The following MTM1 variants were observed in gnomAD, a reference collection of about 807,000 sequenced individuals.
MTM1 encodes the protein myotubularin 1, also known as myotubularin.
In MTM1, 9 loss-of-function variants were observed where a neutral mutation model predicts 52.1. The ratio of observed to expected loss-of-function variants is 0.17; its 90% CI spans 0.10 to 0.30. The LOEUF is 0.30. MTM1 is among the 10% of genes least tolerant of loss of function. MTM1 has a pLI of 1.00. For synonymous variants in MTM1, 136 were observed against 163.8 expected (o/e 0.83, Z 1.29); for missense variants, 277 against 470.7 (o/e 0.59, Z 3.81).
intron 6 of MTM1, among the ~76,000 whole-genome samples, chrX:150,634,111 G>A (rs891508998): frequency 8.9e-6 from 1 of 112,536 alleles, no homozygotes; most frequent in Admixed American, 9.4e-5. Flanking sequence ...AGGTCATTAA[G>A]AGTCATCTTC....
intron 4 of MTM1, among the ~76,000 whole-genome samples, chrX:150,601,067 A>G (rs782630968): frequency 5.6e-4 from 63 of 112,220 alleles, no homozygotes; most frequent in African/African-American, 1.9e-3. Flanking sequence ...TCACTTGTCA[A>G]TATTTTTCAA....
intron 9 of MTM1, among the ~76,000 whole-genome samples, chrX:150,648,301 T>C: frequency 9.0e-6 from 1 of 111,680 alleles, no homozygotes. Flanking sequence ...GCAGGAAACC[T>C]TTTTCTGTGA....
At chrX:150,593,018 A>G (rs1207235959) in intron 2 of MTM1, among the ~76,000 whole-genome samples, 4 of 110,971 alleles carry the variant, frequency 3.6e-5, no homozygotes, top group African/African-American at 1.3e-4. Context: ...TAATTTTTGT[A>G]TTTTTAGTAG....
chrX:150,642,036 T>G (rs1331094587), intron 8 of MTM1, among the ~76,000 whole-genome samples: 1 of 111,282 alleles, frequency 9.0e-6, no homozygotes, highest in African/African-American at 3.3e-5. Context: ...GACTAAAAAT[T>G]TAGGTATTCT....
At chrX:150,660,346 G>A (rs1557414633) in intron 12 of MTM1, 25 bp from the exon 13 acceptor site, 2 of 964,358 alleles carry the variant, frequency 2.1e-6, no homozygotes, top group East Asian at 6.1e-5. Flanking sequence ...AGTTTTTCAT[G>A]CTTTGTTTGC....
intron 1 of MTM1, among the ~76,000 whole-genome samples, chrX:150,584,661 T>C (rs1557412172): frequency 2.7e-5 from 3 of 111,177 alleles, no homozygotes; most frequent in African/African-American, 9.8e-5. Flanking sequence ...TATCAAGGCA[T>C]AAGTACAGGG....
At chrX:150,617,364 T>C (rs1557413162) in intron 5 of MTM1, among the ~76,000 whole-genome samples, 1 of 112,068 alleles carries the variant, frequency 8.9e-6, no homozygotes, top group Non-Finnish European at 1.9e-5. Flanking sequence ...ATTGCACTTG[T>C]GGCTGGTCGT....
chrX:150,587,467 A>T (rs2038809773), intron 1 of MTM1, among the ~76,000 whole-genome samples: 1 of 111,932 alleles, frequency 8.9e-6, no homozygotes, highest in Admixed American at 9.5e-5. Flanking sequence ...GTTCAAAGGA[A>T]AATGTATAAA....
chrX:150,639,093 TC>T, intron 7 of MTM1, 67 bp downstream of exon 7: 3 of 872,443 alleles, frequency 3.4e-6, no homozygotes, highest in Non-Finnish European at 5.1e-6. Flanking sequence ...CAGTATGTCA[TC>T]AGCCATGCTT....
At chrX:150,568,407 G>A (rs1201743919), upstream of MTM1, among the ~76,000 whole-genome samples, 1 of 113,354 alleles carries the variant, frequency 8.8e-6, no homozygotes, top group African/African-American at 3.2e-5. Context: ...CCATGCGTCG[G>A]ACCCTTCAAA....
intron 6 of MTM1, among the ~76,000 whole-genome samples, chrX:150,627,542 C>A (rs2039591161): frequency 1.8e-5 from 2 of 111,527 alleles, no homozygotes; most frequent in Non-Finnish European, 3.8e-5. Context: ...TATTTATAAT[C>A]TCTTCTTCTG....
chrX:150,569,948 C>T (rs2038337792), intron 1 of MTM1, among the ~76,000 whole-genome samples: 1 of 111,823 alleles, frequency 8.9e-6, no homozygotes, highest in African/African-American at 3.3e-5. Flanking sequence ...AGATTCCACA[C>T]CATGGGGGAG....
chrX:150,564,513 G>A (rs1557411155), upstream of MTM1, among the ~76,000 whole-genome samples: 1 of 111,168 alleles, frequency 9.0e-6, no homozygotes, highest in African/African-American at 3.3e-5. Context: ...TTCCTGAGTA[G>A]CTGGGATTAC....
At chrX:150,660,239 GAT>G in intron 12 of MTM1, 130 bp from the exon 13 acceptor site, 1 of 490,761 alleles carries the variant, frequency 2.0e-6, no homozygotes, top group Non-Finnish European at 3.6e-6. Context: ...TGTGTGTGCA[GAT>G]TACAGCCTCT....
At chrX:150,642,231 TGA>T (rs2039860870) in intron 8 of MTM1, among the ~76,000 whole-genome samples, 1 of 111,495 alleles carries the variant, frequency 9.0e-6, no homozygotes, top group African/African-American at 3.3e-5. Flanking sequence ...CAGCCTAATA[TGA>T]ATTGTAATTT....
intron 6 of MTM1, among the ~76,000 whole-genome samples, chrX:150,623,398 GTTTT>G (rs1299876099): frequency 9.1e-6 from 1 of 109,651 alleles, no homozygotes; most frequent in African/African-American, 3.3e-5. Context: ...GTTTTTTGGG[GTTTT>G]TTTTCTTTTT....
At chrX:150,641,060 G>T (rs1442199574) in intron 7 of MTM1, among the ~76,000 whole-genome samples, 1 of 111,841 alleles carries the variant, frequency 8.9e-6, no homozygotes, top group African/African-American at 3.3e-5. Flanking sequence ...GTATAGTTTA[G>T]AACTGTAAAA....
intron 1 of MTM1, among the ~76,000 whole-genome samples, chrX:150,570,585 T>C: frequency 9.0e-6 from 1 of 111,354 alleles, no homozygotes; most frequent in East Asian, 2.8e-4. Flanking sequence ...CCTTTGCTGT[T>C]TTCATAGTTA....
At chrX:150,602,710 C>T (rs1569565406) in intron 4 of MTM1, among the ~76,000 whole-genome samples, 2 of 112,156 alleles carry the variant, frequency 1.8e-5, no homozygotes, top group Non-Finnish European at 1.9e-5. Context: ...AGGTGATACC[C>T]TGTAATCTGG....
Sources: allele counts gnomAD v4.1 joint callset (sites outside exome capture counted in the v4.1 genomes callset), GRCh38; gene constraint gnomAD v4.1.1; transcripts MANE v1.5; gene names NCBI Gene and HGNC (gene_info 2026-07-23, HGNC 2026-07-21).